The following PACRG variants were observed in gnomAD, a reference collection of about 807,000 sequenced individuals.
PACRG encodes parkin coregulated, also known as parkin coregulated gene protein.
PACRG carries 29 observed loss-of-function variants against 29.7 expected under a neutral mutation model. The ratio of observed to expected loss-of-function variants is 0.98; its 90% CI spans 0.73 to 1.33. The LOEUF is 1.33. PACRG is among the 40% of genes most tolerant of loss of function. PACRG has a pLI of 0.00. For missense variants in PACRG, 279 were observed against 316.2 expected, an observed-to-expected ratio of 0.88 and a Z score of 0.89; for synonymous variants, 116 against 118.7, an observed-to-expected ratio of 0.98 and a Z score of 0.15.
chr6:163,303,548 G>C (rs35253612), intron 4 of PACRG, among the ~76,000 whole-genome samples: 13 of 152,192 alleles, frequency 8.5e-5, no homozygotes. Flanking sequence ...CCTGAGGGCA[G>C]CCATCAGTAG....
At chr6:162,770,677 G>A (rs1461842084) in intron 1 of PACRG, among the ~76,000 whole-genome samples, 1 of 152,040 alleles carries the variant, frequency 6.6e-6, no homozygotes, top group African/African-American at 2.4e-5. Flanking sequence ...CCTCTTCTCA[G>A]TAGGGCTTTG....
chr6:163,295,221 C>T (rs747483310), intron 4 of PACRG, among the ~76,000 whole-genome samples: 19 of 152,176 alleles, frequency 1.2e-4, no homozygotes, highest in Non-Finnish European at 1.9e-4. Context: ...TTCTAGGCTA[C>T]GTGCCTATTT....
intron 4 of PACRG, among the ~76,000 whole-genome samples, chr6:163,185,343 G>GT (rs1562954463): frequency 1.3e-5 from 2 of 152,192 alleles, no homozygotes; most frequent in Non-Finnish European, 1.5e-5. Context: ...AACAATCCAC[G>GT]TAATTTCTAT....
In PACRG at chr6:162,841,236, TGG is replaced by T; in HGVS notation, c.291+26956_291+26957del. Among the ~76,000 whole-genome samples the T allele has an allele frequency of 1.4e-5, 2 of 140,230 alleles. 1 individual carries two copies. Among genetic ancestry groups the T allele is most frequent in the South Asian group, 5.1e-4 (2 of 3,928 alleles). The allele number at this position is 140,230 out of a possible 152,430, so 92.0% of individuals were successfully genotyped here. On this transcript the variant is annotated intron_variant, in intron 2 of 4. Coordinates refer to ENST00000366888, the MANE Select transcript of PACRG (RefSeq NM_001080379.2). ...AATCCATCTGGTCCTGGACTCTTTT[TGG>T]TTGGTAAACTATTGATTATTGCCAC... is the stretch of plus-strand genomic sequence containing the variant.
intron 2 of PACRG, among the ~76,000 whole-genome samples, chr6:162,954,976 AGACCAACAGCATCTGC>A: frequency 6.6e-6 from 1 of 152,238 alleles, no homozygotes. Flanking sequence ...AACCAGTTGC[AGACCAACAGCATCTGC>A]TACTGCTGGG....
chr6:162,853,256 C>A lies in PACRG; in HGVS notation c.291+38975C>A, dbSNP rs190748474. Among the ~76,000 whole-genome samples the A allele has an allele frequency of 6.6e-6, 1 of 152,276 alleles. No individual in the cohort carries two copies. Among genetic ancestry groups the A allele is most frequent in the African/African-American group, 2.4e-5 (1 of 41,546 alleles). The stretch of plus-strand genomic sequence containing the variant: ...GTGCTCCTTGGAAAGCCTTTGTATG[C>A]CAAAGCTTTGTGTACCCAGTATAAA... On this transcript the variant is annotated intron_variant, in intron 2 of 4. Transcript: ENST00000366888. This position sits in a 1 kb window ranked among gnomAD's most constrained non-coding sequence, Gnocchi z 4.7.
chr6:162,739,462 T>C (rs994506296), intron 1 of PACRG, among the ~76,000 whole-genome samples: 19 of 152,190 alleles, frequency 1.2e-4, no homozygotes, highest in African/African-American at 4.3e-4. Context: ...TATACTTATT[T>C]TTACATCTTT....
At chr6:162,801,006 C>T (rs983411286) in intron 1 of PACRG, among the ~76,000 whole-genome samples, 5 of 152,172 alleles carry the variant, frequency 3.3e-5, no homozygotes, top group African/African-American at 1.2e-4. Flanking sequence ...CTGCCTGCGT[C>T]TTCGTGGACC....
intron 2 of PACRG, among the ~76,000 whole-genome samples, chr6:162,922,481 GA>G (rs1472551695): frequency 2.0e-5 from 3 of 151,680 alleles, no homozygotes; most frequent in African/African-American, 7.3e-5. Flanking sequence ...AAATTATTGT[GA>G]ATTCACCCTG....
intron 4 of PACRG, among the ~76,000 whole-genome samples, chr6:163,151,662 T>G (rs1184971025): frequency 6.6e-6 from 1 of 152,226 alleles, no homozygotes; most frequent in Non-Finnish European, 1.5e-5. Context: ...TCAGCATCAG[T>G]AAGCATGAAT....
chr6:163,246,367 C>T (rs765884277), intron 4 of PACRG, among the ~76,000 whole-genome samples: 5 of 152,256 alleles, frequency 3.3e-5, no homozygotes, highest in East Asian at 1.9e-4. Context: ...CCTGGTTCTG[C>T]GCATGGCTCC....
intron 2 of PACRG, among the ~76,000 whole-genome samples, chr6:162,943,780 T>G (rs951510051): frequency 5.9e-5 from 9 of 152,134 alleles, no homozygotes; most frequent in Admixed American, 2.0e-4. Context: ...AACCTGCCAC[T>G]ACCACCACAG....
rs1376830533 is a variant in PACRG, at chr6:162,941,064, GTGTT to G, written c.292-121082_292-121079del. Among the ~76,000 whole-genome samples the G allele has an allele frequency of 5.3e-5, 8 of 151,822 alleles. No homozygotes were observed. The East Asian group carries it at 1.6e-3, about 29-fold the overall frequency. ...TGTTTGTGCATGTGTGTGTGTGTGT[GTGTT>G]TGTGTGTGTGATCATGCATACACAC... On this transcript the variant is annotated intron_variant, in intron 2 of 4. Transcript: ENST00000366888.
intron 2 of PACRG, among the ~76,000 whole-genome samples, chr6:162,946,721 A>G (rs1799036750): frequency 6.6e-6 from 1 of 152,166 alleles, no homozygotes; most frequent in African/African-American, 2.4e-5. Context: ...AGACACAAAA[A>G]TCCCCAACAA....
chr6:162,986,046 G>A (rs996796189), intron 2 of PACRG, among the ~76,000 whole-genome samples: 4 of 152,110 alleles, frequency 2.6e-5, no homozygotes, highest in African/African-American at 9.7e-5. Flanking sequence ...ACAAAACACT[G>A]CTGAAAGAAA....
chr6:163,239,126 T>C (rs564837173), intron 4 of PACRG, among the ~76,000 whole-genome samples: 1 of 152,358 alleles, frequency 6.6e-6, no homozygotes, highest in Non-Finnish European at 1.5e-5. Flanking sequence ...CTTATTCTTT[T>C]TGAATATTTT....
chr6:163,272,358 A>G (rs975432004), intron 4 of PACRG, among the ~76,000 whole-genome samples: 1 of 151,972 alleles, frequency 6.6e-6, no homozygotes, highest in Non-Finnish European at 1.5e-5. Context: ...TTTCAACCCT[A>G]CTACCTTACT....
intron 4 of PACRG, among the ~76,000 whole-genome samples, chr6:163,304,015 CAAAAAAAAAAAAA>C (rs59861286): frequency 7.1e-4 from 54 of 76,252 alleles, no homozygotes; most frequent in African/African-American, 2.6e-3. Flanking sequence ...GACTCCATTT[CAAAAAAAAAAAAA>C]AAAAAAAAAA....
At chr6:162,785,050 G>C (rs1044747807) in intron 1 of PACRG, among the ~76,000 whole-genome samples, 3 of 152,090 alleles carry the variant, frequency 2.0e-5, no homozygotes, top group Non-Finnish European at 4.4e-5. Context: ...TGGGAAAACA[G>C]ACTCATCCCT....
Sources: allele counts gnomAD v4.1 joint callset (sites outside exome capture counted in the v4.1 genomes callset), GRCh38; gene constraint gnomAD v4.1.1; non-coding constraint Gnocchi (gnomAD v3.1); transcripts MANE v1.5; gene names NCBI Gene and HGNC (gene_info 2026-07-23, HGNC 2026-07-21).